The following ATP9B variants were observed in gnomAD, a reference collection of about 807,000 sequenced individuals.
ATP9B encodes probable phospholipid-transporting ATPase IIB.
A neutral mutation model predicts 146.1 loss-of-function variants in ATP9B; 110 were observed. The observed-to-expected ratio is 0.75, with a 90% CI of 0.65 to 0.88. The LOEUF is 0.88. Among genes scored for constraint, ATP9B ranks in the 40% least tolerant of loss-of-function variants. The pLI, the probability that ATP9B is intolerant of heterozygous loss-of-function variation, is 0.00. For synonymous variants in ATP9B, 604 were observed against 569.7 expected (o/e 1.06, Z -0.86); for missense variants, 1,499 against 1,496.4 (o/e 1.00, Z -0.03).
chr18:79,355,633 C>T (rs1437720442), intron 25 of ATP9B, among the ~76,000 whole-genome samples: 4 of 149,354 alleles, frequency 2.7e-5, no homozygotes, highest in African/African-American at 5.1e-5. Context: ...CCGTTTGTGC[C>T]GTGGGAGCCC....
chr18:79,355,177 G>T (rs937613026), intron 25 of ATP9B, among the ~76,000 whole-genome samples: 13 of 152,198 alleles, frequency 8.5e-5, no homozygotes, highest in African/African-American at 2.9e-4. Flanking sequence ...ACCAGAGCAG[G>T]GTCAGCACCC....
At chr18:79,262,017 C>T (rs1294896718) in intron 12 of ATP9B, among the ~76,000 whole-genome samples, 1 of 152,096 alleles carries the variant, frequency 6.6e-6, no homozygotes, top group Non-Finnish European at 1.5e-5. Context: ...TCAGTACACG[C>T]CCCACGCTGC....
chr18:79,375,475 A>G (rs368749743), intron 29 of ATP9B, 49 bp downstream of exon 29: 5 of 1,582,822 alleles, frequency 3.2e-6, no homozygotes, highest in Non-Finnish European at 4.3e-6. Flanking sequence ...TTAGCCAAAC[A>G]ATATTGATAA....
chr18:79,220,191 G>T (rs552897208), intron 11 of ATP9B, among the ~76,000 whole-genome samples: 1 of 152,202 alleles, frequency 6.6e-6, no homozygotes, highest in Admixed American at 6.5e-5. Context: ...TTGGTGGTAA[G>T]ACTTCGAGTA....
At chr18:79,246,036 C>T (rs1469223957) in intron 11 of ATP9B, among the ~76,000 whole-genome samples, 1 of 108,880 alleles carries the variant, frequency 9.2e-6, no homozygotes, top group Non-Finnish European at 1.9e-5. Flanking sequence ...GAGGGCACCG[C>T]CCTACTGACT....
At chr18:79,335,948 AG>A (rs533263441) in intron 17 of ATP9B, among the ~76,000 whole-genome samples, 1 of 152,062 alleles carries the variant, frequency 6.6e-6, no homozygotes, top group Non-Finnish European at 1.5e-5. Flanking sequence ...ACAACACGCC[AG>A]GGGGGTCCCC....
intron 2 of ATP9B, among the ~76,000 whole-genome samples, chr18:79,108,649 C>T (rs917240791): frequency 2.0e-5 from 3 of 152,140 alleles, no homozygotes; most frequent in African/African-American, 7.2e-5. Context: ...GCATCAGCCC[C>T]GTGAGCGAGC....
intron 9 of ATP9B, among the ~76,000 whole-genome samples, chr18:79,195,738 C>T (rs1014886456): frequency 2.6e-5 from 4 of 151,936 alleles, no homozygotes; most frequent in South Asian, 2.1e-4. Flanking sequence ...AAGGGAGGAC[C>T]GAATCACAGC....
chr18:79,340,164 CT>C (rs1018194227), intron 19 of ATP9B: 2 of 152,210 alleles, frequency 1.3e-5, no homozygotes, highest in African/African-American at 4.8e-5. Flanking sequence ...CCTCAGTCTA[CT>C]TCCTACTTTA....
chr18:79,364,342 G>A (rs1214243410), intron 26 of ATP9B: 1 of 152,052 alleles, frequency 6.6e-6, no homozygotes, highest in Non-Finnish European at 1.5e-5. Context: ...AAGACTTACT[G>A]TAAAACAGTA....
intron 1 of ATP9B, among the ~76,000 whole-genome samples, chr18:79,079,039 ATTTTCT>A (rs2072956537): frequency 6.6e-6 from 1 of 151,906 alleles, no homozygotes; most frequent in African/African-American, 2.4e-5. Context: ...TTTGTGCCAC[ATTTTCT>A]TTATCCAGTC....
At chr18:79,357,709 T>C (rs377341007) in intron 25 of ATP9B, among the ~76,000 whole-genome samples, 2 of 972 alleles carry the variant, frequency 2.1e-3, no homozygotes, top group East Asian at 0.045. Context: ...GTGAGGGGTG[T>C]CCTGGGTCTG....
chr18:79,237,629 C>T (rs192476514), intron 11 of ATP9B, among the ~76,000 whole-genome samples: 19 of 147,896 alleles, frequency 1.3e-4, no homozygotes, highest in African/African-American at 4.5e-4. Flanking sequence ...TGATTGTTCT[C>T]TGTAGAGGTT....
chr18:79,305,601 A>T (rs551559442), intron 14 of ATP9B, among the ~76,000 whole-genome samples: 83 of 151,140 alleles, frequency 5.5e-4, no homozygotes, highest in Non-Finnish European at 7.0e-4. Flanking sequence ...CTGCTTTTTA[A>T]AAAAAAAAAA....
intron 11 of ATP9B, among the ~76,000 whole-genome samples, chr18:79,215,076 A>T (rs1260495241): frequency 2.1e-5 from 3 of 142,258 alleles, no homozygotes; most frequent in Non-Finnish European, 4.5e-5. Context: ...CAAACCCGGG[A>T]GGTGGCGGTT....
intron 11 of ATP9B, among the ~76,000 whole-genome samples, chr18:79,227,863 A>G (rs992026169): frequency 6.6e-6 from 1 of 152,240 alleles, no homozygotes; most frequent in Non-Finnish European, 1.5e-5. Context: ...CTGCCCAGGC[A>G]TGTGTGTGCA....
chr18:79,138,774 T>TA (rs796077711), intron 5 of ATP9B, among the ~76,000 whole-genome samples: 11,210 of 139,666 alleles, frequency 0.08, 527 homozygotes, highest in Non-Finnish European at 0.11. Context: ...GTTCTTACAT[T>TA]AAAAAAAAAA....
intron 11 of ATP9B, among the ~76,000 whole-genome samples, chr18:79,223,417 C>T (rs4609918): frequency 1 from 151,727 of 152,360 alleles, 75,556 homozygotes; most frequent in Middle Eastern, 1. Context: ...AATAAAATAC[C>T]GTAGAGTTTA....
At chr18:79,170,731 A>T (rs1454005757) in intron 7 of ATP9B, among the ~76,000 whole-genome samples, 1 of 152,194 alleles carries the variant, frequency 6.6e-6, no homozygotes, top group Non-Finnish European at 1.5e-5. Flanking sequence ...GCAGTGTCAG[A>T]GGTCTCTCTC....
Sources: gnomAD v4.1 joint callset for allele counts (sites outside exome capture counted in the v4.1 genomes callset) on GRCh38, gnomAD v4.1.1 for gene constraint, MANE v1.5 for transcripts, NCBI Gene and HGNC (gene_info 2026-07-23, HGNC 2026-07-21) for gene names.